FRMD6: variants seen among roughly 807,000 people sequenced by gnomAD.
FRMD6 encodes the protein FERM domain containing 6, also known as FERM domain-containing protein 6.
FRMD6 carries 37 observed loss-of-function variants against 73.2 expected under a neutral mutation model. That is an observed-to-expected ratio of 0.51 (90% CI 0.39 to 0.66). FRMD6 has a LOEUF of 0.66. Among genes scored for constraint, FRMD6 ranks in the 30% least tolerant of loss-of-function variants. The probability of loss-of-function intolerance (pLI) is 0.00; values close to 1 mark genes in which losing one functional copy is unlikely to be tolerated. For missense variants in FRMD6, 714 were observed against 780.5 expected (o/e 0.91, Z 1.02); for synonymous variants, 273 against 282.2 (o/e 0.97, Z 0.33).
chr14:51,548,975 T>C (rs1886630660), intron 1 of FRMD6, among the ~76,000 whole-genome samples: 1 of 152,238 alleles, frequency 6.6e-6, no homozygotes, highest in Non-Finnish European at 1.5e-5. Flanking sequence ...ACCATTGATG[T>C]AATCCATGGT....
intron 1 of FRMD6, among the ~76,000 whole-genome samples, chr14:51,662,104 A>G (rs1473125064): frequency 6.6e-6 from 1 of 152,184 alleles, no homozygotes; most frequent in Non-Finnish European, 1.5e-5. Context: ...TTTGGATGAG[A>G]ACTATATCTT....
At chr14:51,433,886 A>G in the FRMD6 span, among the ~76,000 whole-genome samples, 1 of 152,246 alleles carries the variant, frequency 6.6e-6, no homozygotes, top group African/African-American at 2.4e-5. Flanking sequence ...TGGAAATAGT[A>G]TTTTGACTAT....
Position 51,570,047 on chromosome 14 carries a change from C to T in FRMD6, c.-209-301C>T, listed in dbSNP as rs186159220. 4.4e-4 allele frequency among the ~76,000 whole-genome samples: 67 copies of T among 152,144 alleles called. 3 individuals carry two copies. The South Asian group carries it at 0.014, about 31-fold the overall frequency. On this transcript the variant is annotated intron_variant, in intron 1 of 14. Transcript: ENST00000356218. The stretch of plus-strand genomic sequence containing the variant: ...AGCCAGGATGGTCTCGATCTCCTGA[C>T]CTCGTGATCTGCCCACCTTGGCCTC...
intron 2 of FRMD6, among the ~76,000 whole-genome samples, chr14:51,696,751 CAA>C (rs34528270): frequency 8.0e-6 from 1 of 125,560 alleles, no homozygotes; most frequent in Non-Finnish European, 1.7e-5. Flanking sequence ...CCTGTCTCTA[CAA>C]AAAAAAAAAA....
chr14:51,708,332 A>C, intron 7 of FRMD6, 99 bp downstream of exon 7: 1 of 1,149,324 alleles, frequency 8.7e-7, no homozygotes, highest in Non-Finnish European at 1.2e-6. Flanking sequence ...ATTAAAACTT[A>C]TTTCATTTTT....
chr14:51,691,601 T>A (rs1895578554), intron 2 of FRMD6, among the ~76,000 whole-genome samples: 1 of 143,446 alleles, frequency 7.0e-6, no homozygotes, highest in African/African-American at 2.6e-5. Context: ...TTTTTTTTTT[T>A]TTTTTTTTTT....
intron 6 of FRMD6, among the ~76,000 whole-genome samples, chr14:51,705,311 CG>C (rs1377295492): frequency 1.3e-5 from 2 of 152,020 alleles, no homozygotes; most frequent in Non-Finnish European, 2.9e-5. Flanking sequence ...TCCTTTGCTG[CG>C]AGAACAAGTA....
intron 2 of FRMD6, among the ~76,000 whole-genome samples, chr14:51,606,314 A>C (rs533924451): frequency 6.6e-6 from 1 of 152,242 alleles, no homozygotes; most frequent in Non-Finnish European, 1.5e-5. Flanking sequence ...ACAAGCACAC[A>C]TATTAATGTA....
rs1158794443 is a variant in FRMD6 at position 51,599,058 on chromosome 14, C to CTTTTCTTTTTTTTT, written c.-147+28652_-147+28653insCTTTTTTTTTTTTT. Among the ~76,000 whole-genome samples, 243 of 72,796 alleles carry CTTTTCTTTTTTTTT rather than the reference C, an allele frequency of 3.3e-3. 3 individuals are homozygous for CTTTTCTTTTTTTTT. Among genetic ancestry groups the CTTTTCTTTTTTTTT allele is most frequent in the East Asian group, 9.2e-3 (19 of 2,064 alleles). 47.8% of individuals were successfully genotyped at this position (72,796 alleles called of 152,430 possible). The stretch of plus-strand genomic sequence containing the variant: ...TCTCAGCAGCCTTGCCAGTATCTGT[C>CTTTTCTTTTTTTTT]TTTTTTTTTTTTTTTTTTTTTTTTT... On this transcript the variant is annotated intron_variant, in intron 2 of 14. Transcript: ENST00000356218.
At chr14:51,397,490 T>C in the FRMD6 span, among the ~76,000 whole-genome samples, 10 of 152,252 alleles carry the variant, frequency 6.6e-5, no homozygotes, top group Admixed American at 6.5e-4. Flanking sequence ...TTGCAAAGTA[T>C]ATGTGTGTGT....
intron 1 of FRMD6, among the ~76,000 whole-genome samples, chr14:51,501,687 A>G (rs1214112411): frequency 6.6e-6 from 1 of 152,132 alleles, no homozygotes; most frequent in Non-Finnish European, 1.5e-5. Flanking sequence ...CAACGCATGC[A>G]TGTTTCTTTA....
At chr14:51,581,005 C>T (rs1322581257) in intron 2 of FRMD6, among the ~76,000 whole-genome samples, 1 of 152,086 alleles carries the variant, frequency 6.6e-6, no homozygotes, top group Non-Finnish European at 1.5e-5. Context: ...GCTAGTGTGG[C>T]CTTCAAAAAT....
At chr14:51,584,586 G>T (rs866068196) in intron 2 of FRMD6, among the ~76,000 whole-genome samples, 7 of 152,294 alleles carry the variant, frequency 4.6e-5, no homozygotes, top group Admixed American at 2.6e-4. Context: ...TGTGTAACAT[G>T]ATGATCACAT....
intron 1 of FRMD6, among the ~76,000 whole-genome samples, chr14:51,687,859 A>G (rs56799730): frequency 3.3e-5 from 5 of 152,122 alleles, no homozygotes; most frequent in Non-Finnish European, 5.9e-5. Flanking sequence ...CCAATTCTCT[A>G]TCTTTAAGAT....
chr14:51,622,295 C>T (rs1171471817), intron 2 of FRMD6, among the ~76,000 whole-genome samples: 2 of 152,198 alleles, frequency 1.3e-5, no homozygotes, highest in Non-Finnish European at 2.9e-5. Flanking sequence ...TCTTTCCTTG[C>T]TCTAAATAAT....
intron 2 of FRMD6, among the ~76,000 whole-genome samples, chr14:51,608,604 T>G (rs1261894237): frequency 6.6e-6 from 1 of 152,156 alleles, no homozygotes; most frequent in Non-Finnish European, 1.5e-5. Context: ...CAGCCACGCT[T>G]GCAGTAGCTG....
At chr14:51,716,176 C>T (rs1476058702) in intron 10 of FRMD6, among the ~76,000 whole-genome samples, 3 of 152,070 alleles carry the variant, frequency 2.0e-5, no homozygotes, top group African/African-American at 2.4e-5. Context: ...CTGTAACATC[C>T]GACTTCAACT....
chr14:51,447,255 C>A, the FRMD6 span, among the ~76,000 whole-genome samples: 6 of 152,078 alleles, frequency 3.9e-5, no homozygotes, highest in African/African-American at 1.5e-4. Flanking sequence ...TGGTGTTTGA[C>A]CTTCTCAGGC....
intron 1 of FRMD6, among the ~76,000 whole-genome samples, chr14:51,660,122 A>G (rs988024013): frequency 1.3e-5 from 2 of 152,234 alleles, no homozygotes; most frequent in Non-Finnish European, 2.9e-5. Flanking sequence ...TCTTGAGCTT[A>G]GTAAACTTAG....
Sources: allele counts gnomAD v4.1 joint callset (sites outside exome capture counted in the v4.1 genomes callset), GRCh38; gene constraint gnomAD v4.1.1; transcripts MANE v1.5; gene names NCBI Gene and HGNC (gene_info 2026-07-23, HGNC 2026-07-21).